Variants in TRPM3 observed in about 807,000 individuals in gnomAD.
The protein encoded by TRPM3 is transient receptor potential cation channel subfamily M member 3, also known as long transient receptor potential channel 3.
Under a neutral mutation model 181.2 loss-of-function variants are expected in TRPM3, and 77 were observed. The observed-to-expected ratio is 0.42, with a 90% CI of 0.35 to 0.51. TRPM3 has a LOEUF of 0.51. TRPM3 is among the 20% of genes least tolerant of loss of function. The pLI is 0.01. For missense variants in TRPM3, 1,759 were observed against 2,196.7 expected (o/e 0.80, Z 3.98); for synonymous variants, 745 against 796.4 (o/e 0.94, Z 1.09).
intron 1 of TRPM3, among the ~76,000 whole-genome samples, chr9:71,214,324 G>A (rs199834220): frequency 2.0e-5 from 1 of 50,256 alleles, no homozygotes; most frequent in South Asian, 8.5e-4. Flanking sequence ...TTAGTAGAAG[G>A]AGAACAGTTT....
At chr9:71,207,764 T>C (rs998126950) in intron 1 of TRPM3, among the ~76,000 whole-genome samples, 3 of 152,212 alleles carry the variant, frequency 2.0e-5, no homozygotes, top group East Asian at 3.8e-4. Context: ...GTCTTTTTAA[T>C]GCTTTTCAAC....
At chr9:70,639,286 C>T in intron 10 of TRPM3, 92 bp from the exon 11 acceptor site, 1 of 1,405,402 alleles carries the variant, frequency 7.1e-7, no homozygotes, top group Middle Eastern at 2.1e-4. Flanking sequence ...AAATGGATGC[C>T]TTTGACATCT....
chr9:70,660,719 C>G (rs547288539), intron 9 of TRPM3, among the ~76,000 whole-genome samples: 1 of 151,942 alleles, frequency 6.6e-6, no homozygotes, highest in Admixed American at 6.6e-5. Context: ...AAATATACAA[C>G]CCTCCTAGAT....
chr9:70,762,439 A>G (rs1156744957), intron 7 of TRPM3, among the ~76,000 whole-genome samples: 1 of 152,204 alleles, frequency 6.6e-6, no homozygotes, highest in Non-Finnish European at 1.5e-5. Flanking sequence ...TGAATCAATC[A>G]CAACTAATTT....
At chr9:70,605,472 A>G (rs1449143169) in intron 19 of TRPM3, among the ~76,000 whole-genome samples, 1 of 151,354 alleles carries the variant, frequency 6.6e-6, no homozygotes, top group Non-Finnish European at 1.5e-5. Context: ...GGGGCCTATC[A>G]TTTCAACCTA....
At chr9:71,441,377 G>A (rs1026893059) in intron 1 of TRPM3, among the ~76,000 whole-genome samples, 1 of 152,156 alleles carries the variant, frequency 6.6e-6, no homozygotes, top group Non-Finnish European at 1.5e-5. Flanking sequence ...GGTTTATACA[G>A]TAATGGGCTA....
In TRPM3 at chr9:71,018,940, A is replaced by G. The variant is rs188256111; in HGVS notation, c.177+102238T>C. 2.0e-5 allele frequency among the ~76,000 whole-genome samples: 3 copies of G among 152,114 alleles called. No individual in the cohort carries two copies. In the East Asian group the frequency reaches 5.8e-4, roughly 29 times the overall value. On this transcript the variant is annotated intron_variant, in intron 1 of 25. Coordinates refer to ENST00000677713, the MANE Select transcript of TRPM3 (RefSeq NM_001366145.2). ...TGATATATAAAAAGAACAGTACATT[A>G]TAACCAAGTCAGGTTCATTTCAGGA...
chr9:71,257,656 T>C (rs1177562178), intron 1 of TRPM3, among the ~76,000 whole-genome samples: 1 of 152,176 alleles, frequency 6.6e-6, no homozygotes, highest in African/African-American at 2.4e-5. Flanking sequence ...CTACGAGAAA[T>C]TGTGTATGTA....
intron 1 of TRPM3, among the ~76,000 whole-genome samples, chr9:71,366,194 T>G (rs1038160038): frequency 1.3e-5 from 2 of 152,220 alleles, no homozygotes; most frequent in Non-Finnish European, 2.9e-5. Flanking sequence ...TTTCTATAGT[T>G]AAGGCCCAGG....
At chr9:70,602,094 G>A (rs2060108216) in intron 20 of TRPM3, among the ~76,000 whole-genome samples, 1 of 140,122 alleles carries the variant, frequency 7.1e-6, no homozygotes, top group South Asian at 2.3e-4. Context: ...GCTGGAACAA[G>A]GCAAGGCATT....
At chr9:71,265,683 A>ATAAGCC (rs1204936802) in intron 1 of TRPM3, among the ~76,000 whole-genome samples, 8 of 152,250 alleles carry the variant, frequency 5.3e-5, no homozygotes, top group African/African-American at 1.4e-4. Context: ...AGAGCTATTC[A>ATAAGCC]TAAGCCTATT....
intron 1 of TRPM3, among the ~76,000 whole-genome samples, chr9:71,213,002 T>C (rs746974739): frequency 2.0e-5 from 3 of 152,202 alleles, no homozygotes; most frequent in Non-Finnish European, 4.4e-5. Context: ...ATAATATACT[T>C]ATTTTTAATC....
chr9:70,887,190 G>A (rs771529901), intron 1 of TRPM3, among the ~76,000 whole-genome samples: 1 of 152,144 alleles, frequency 6.6e-6, no homozygotes, highest in African/African-American at 2.4e-5. Flanking sequence ...GAGGGCTAAG[G>A]ATGTGAGTTC....
At chr9:71,303,805 G>T (rs556494740) in intron 1 of TRPM3, among the ~76,000 whole-genome samples, 1 of 152,042 alleles carries the variant, frequency 6.6e-6, no homozygotes, top group African/African-American at 2.4e-5. Context: ...TTTTAAATAG[G>T]TTTTTAATAG....
At chr9:70,980,965 A>T (rs757104047) in intron 1 of TRPM3, among the ~76,000 whole-genome samples, 1 of 152,250 alleles carries the variant, frequency 6.6e-6, no homozygotes, top group Non-Finnish European at 1.5e-5. Flanking sequence ...ATTCCGATAC[A>T]TATGTACACA....
chr9:71,245,504 C>T (rs770640122), intron 1 of TRPM3, among the ~76,000 whole-genome samples: 3 of 150,954 alleles, frequency 2.0e-5, no homozygotes, highest in African/African-American at 4.9e-5. Flanking sequence ...ATATTTAGAG[C>T]GGCAATGAAG....
Position 70,625,294 on chromosome 9 carries a change from T to A in TRPM3, c.1706A>T (p.Asp569Val), listed in dbSNP as rs369965949. The A allele has an allele frequency of 3.1e-6, 5 of 1,614,166 alleles. No homozygotes were observed. The highest frequency in any genetic ancestry group is 1.7e-5 in the Admixed American group (1 of 60,014). The change falls in exon 14 of 26, where the codon GAC becomes GTC. Residue 569 changes from aspartate (D) to valine (V), a missense_variant. Physicochemically the swap from Asp to Val is radical, Grantham distance 152. This residue lies in a region of TRPM3 where 737 missense variants were observed against 957.4 expected (regional missense o/e 0.77). Coordinates refer to ENST00000677713, the MANE Select transcript of TRPM3 (RefSeq NM_001366145.2). The surrounding 1 kb of genome is among the most constrained non-coding windows in gnomAD (Gnocchi z 4.8). ...CAGGTACTCGATCACCAGGCCGATG[T>A]CAATCAGGCTGATTCTGTAGTCTGG... is the stretch of plus-strand genomic sequence containing the variant. ...LPPDYRISLIDIGLVIEYLMG... is the reference protein window; with the variant it reads ...LPPDYRISLIVIGLVIEYLMG...
At chr9:71,118,827 G>A (rs933804335) in intron 1 of TRPM3, among the ~76,000 whole-genome samples, 1 of 151,780 alleles carries the variant, frequency 6.6e-6, no homozygotes, top group Non-Finnish European at 1.5e-5. Context: ...AGGAAGGGAG[G>A]GAGGAGAAAG....
intron 1 of TRPM3, among the ~76,000 whole-genome samples, chr9:70,916,840 A>G: frequency 6.6e-6 from 1 of 152,242 alleles, no homozygotes; most frequent in East Asian, 1.9e-4. Flanking sequence ...GTATGGTGAT[A>G]CATCTACTGA....
Sources: gnomAD v4.1 joint callset for allele counts (sites outside exome capture counted in the v4.1 genomes callset) on GRCh38, gnomAD v4.1.1 for gene constraint, gnomAD v4.1.1 regional missense constraint, Gnocchi (gnomAD v3.1) non-coding constraint, MANE v1.5 for transcripts, NCBI Gene and HGNC (gene_info 2026-07-23, HGNC 2026-07-21) for gene names.